Variants in PRICKLE2 observed in about 807,000 individuals in gnomAD.
PRICKLE2 encodes the protein prickle planar cell polarity protein 2.
In PRICKLE2, 21 loss-of-function variants were observed where a neutral mutation model predicts 81.4. The observed-to-expected ratio is 0.26, with a 90% CI of 0.18 to 0.37. PRICKLE2 has a LOEUF of 0.37. PRICKLE2 is among the 10% of genes least tolerant of loss of function. PRICKLE2 has a pLI of 1.00. For synonymous variants in PRICKLE2, 456 were observed against 421.5 expected (o/e 1.08, Z -1.00); for missense variants, 940 against 1,109.0 (o/e 0.85, Z 2.16).
intron 7 of PRICKLE2, among the ~76,000 whole-genome samples, chr3:64,111,167 A>G (rs770217850): frequency 7.9e-5 from 12 of 152,084 alleles, no homozygotes; most frequent in Non-Finnish European, 1.2e-4. Context: ...ATAATCATAC[A>G]ACCTAAGGGA....
At chr3:64,214,354 T>C (rs1455294268) in intron 1 of PRICKLE2, among the ~76,000 whole-genome samples, 1 of 152,170 alleles carries the variant, frequency 6.6e-6, no homozygotes, top group Non-Finnish European at 1.5e-5. Context: ...CAGACACCAA[T>C]GCTGGATGTA....
At chr3:64,138,106 G>A (rs934397816) in intron 7 of PRICKLE2, among the ~76,000 whole-genome samples, 7 of 151,776 alleles carry the variant, frequency 4.6e-5, no homozygotes, top group Non-Finnish European at 1.0e-4. Context: ...AGATAAAAAC[G>A]TCAGTCCTGG....
intron 2 of PRICKLE2, among the ~76,000 whole-genome samples, chr3:64,262,660 A>C (rs940103705): frequency 1.3e-5 from 2 of 152,100 alleles, no homozygotes. Flanking sequence ...AAGAGCAGCA[A>C]AGGAAATTGG....
At chr3:64,219,075 G>C (rs929005084) in intron 1 of PRICKLE2, among the ~76,000 whole-genome samples, 2 of 152,192 alleles carry the variant, frequency 1.3e-5, no homozygotes, top group Middle Eastern at 6.8e-3. Flanking sequence ...GCCATTCTCT[G>C]GGGGGCTACC....
chr3:64,172,703 C>T (rs2077953895), intron 2 of PRICKLE2, among the ~76,000 whole-genome samples: 2 of 152,104 alleles, frequency 1.3e-5, no homozygotes, highest in South Asian at 2.1e-4. Flanking sequence ...ATTGTGTACC[C>T]CCTGTGATTC....
chr3:64,115,050 A>G (rs927056533), intron 7 of PRICKLE2, among the ~76,000 whole-genome samples: 6 of 152,230 alleles, frequency 3.9e-5, no homozygotes, highest in Admixed American at 2.6e-4. Context: ...AATATTCAAC[A>G]TTCTTAAAGA....
chr3:64,253,620 C>T (rs954302394), intron 2 of PRICKLE2, among the ~76,000 whole-genome samples: 2 of 152,226 alleles, frequency 1.3e-5, no homozygotes, highest in African/African-American at 4.8e-5. Flanking sequence ...ATACCTTCGA[C>T]ATGCCTTATT....
At chr3:64,215,701 A>C (rs1311513682) in intron 1 of PRICKLE2, among the ~76,000 whole-genome samples, 1 of 152,248 alleles carries the variant, frequency 6.6e-6, no homozygotes, top group Non-Finnish European at 1.5e-5. Flanking sequence ...GGCCAAGATC[A>C]CATTAAAGAA....
At chr3:64,263,308 C>G (rs2079644027) in intron 2 of PRICKLE2, among the ~76,000 whole-genome samples, 1 of 152,130 alleles carries the variant, frequency 6.6e-6, no homozygotes, top group Admixed American at 6.6e-5. Context: ...ATGAACATAC[C>G]ATTTTACAGA....
chr3:64,236,675 A>G lies in PRICKLE2; in HGVS notation c.129-37708T>C, dbSNP rs139329430. Among the ~76,000 whole-genome samples, 421 of 152,358 alleles carry G rather than the reference A, an allele frequency of 2.8e-3. 5 individuals carry two copies. The highest frequency in any genetic ancestry group is 9.7e-3 in the African/African-American group (402 of 41,584). On this transcript the variant is annotated intron_variant, in intron 2 of 8. Coordinates refer to the PRICKLE2 transcript ENST00000295902. ...TGGTTTGAAAGAAAGTCCTGCTATA[A>G]TGGAACTCACCCTGGTATTAGAATT... is the stretch of plus-strand genomic sequence containing the variant.
At chr3:64,109,468 G>C (rs1442488736) in intron 7 of PRICKLE2, among the ~76,000 whole-genome samples, 1 of 152,088 alleles carries the variant, frequency 6.6e-6, no homozygotes, top group African/African-American at 2.4e-5. Flanking sequence ...CTTGCAGTCA[G>C]TTACACATCT....
At position 64,153,272 on chromosome 3, in the gene PRICKLE2, G is replaced by A. The variant is rs1242151609; in HGVS notation, c.697C>T (p.Arg233Cys). ...GGTCTTCCCTCCTTCATGATGTAGCGCTGGCCGCCCAGCACTGTCTCACAC... is the reference window on the plus strand; with the variant it reads ...GGTCTTCCCTCCTTCATGATGTAGCACTGGCCGCCCAGCACTGTCTCACAC... The part of the protein sequence containing the change: ...FECETVLGGQ[R>C]YIMKEGRPYC... The change falls in exon 6 of 8, where the codon CGC becomes TGC. Residue 233 changes from arginine (R) to cysteine (C), a missense_variant. Physicochemically the swap from Arg to Cys is radical, Grantham distance 180. Around this residue, in one of 2 missense-constraint regions of PRICKLE2, gnomAD observed 270 missense variants for 391.8 expected, o/e 0.69. Coordinates refer to ENST00000638394, the MANE Select transcript of PRICKLE2 (RefSeq NM_198859.4). 3.1e-6 allele frequency: 5 copies of A among 1,614,060 alleles called. No homozygotes were observed. The highest frequency in any genetic ancestry group is 4.2e-6 in the Non-Finnish European group (5 of 1,180,026).
chr3:64,152,602 A>G (rs1052889318), intron 6 of PRICKLE2, among the ~76,000 whole-genome samples: 1 of 151,164 alleles, frequency 6.6e-6, no homozygotes, highest in Non-Finnish European at 1.5e-5. Context: ...GGTTTCCTTG[A>G]CAATCCCTCT....
At chr3:64,239,062 A>G (rs886574432) in intron 2 of PRICKLE2, among the ~76,000 whole-genome samples, 2 of 152,138 alleles carry the variant, frequency 1.3e-5, no homozygotes, top group Admixed American at 6.5e-5. Context: ...ACCAGGGGAC[A>G]GGCCCAGACG....
chr3:64,258,836 AAAAAAAAAAAAAGAAAGAAAG>A (rs2079566902), intron 2 of PRICKLE2, among the ~76,000 whole-genome samples: 1 of 133,674 alleles, frequency 7.5e-6, no homozygotes, highest in African/African-American at 2.9e-5. Flanking sequence ...AAAAAAAAAA[AAAAAAAAAAAAAGAAAGAAAG>A]AAAGAAAGAA....
intron 7 of PRICKLE2, chr3:64,103,047 C>T (rs1050435560): frequency 6.6e-6 from 1 of 152,146 alleles, no homozygotes; most frequent in Non-Finnish European, 1.5e-5. Context: ...GTAAAGAGTA[C>T]ATTACAGGTG....
chr3:64,230,419 G>A (rs150447699), upstream of PRICKLE2, among the ~76,000 whole-genome samples: 9 of 152,100 alleles, frequency 5.9e-5, no homozygotes, highest in Non-Finnish European at 1.0e-4. Context: ...CAAAGAAAAA[G>A]AAAATATTGT....
At chr3:64,232,923 A>G (rs2079126675) in intron 2 of PRICKLE2, among the ~76,000 whole-genome samples, 1 of 152,196 alleles carries the variant, frequency 6.6e-6, no homozygotes, top group Non-Finnish European at 1.5e-5. Flanking sequence ...TATATCCCAC[A>G]GGCCAAATCT....
intron 2 of PRICKLE2, among the ~76,000 whole-genome samples, chr3:64,233,520 T>C (rs1290812986): frequency 6.6e-6 from 1 of 152,206 alleles, no homozygotes; most frequent in Non-Finnish European, 1.5e-5. Context: ...GTCTGAAATA[T>C]TCCTCCTGCA....
Sources: gnomAD v4.1 joint callset for allele counts (sites outside exome capture counted in the v4.1 genomes callset) on GRCh38, gnomAD v4.1.1 for gene constraint, gnomAD v4.1.1 regional missense constraint, MANE v1.5 for transcripts, NCBI Gene and HGNC (gene_info 2026-07-23, HGNC 2026-07-21) for gene names.